Variants in PAQR5 observed in about 807,000 individuals in gnomAD.
PAQR5 encodes progestin and adipoQ receptor family member 5.
PAQR5 carries 20 observed loss-of-function variants against 34.5 expected under a neutral mutation model. The observed-to-expected ratio is 0.58, with a 90% CI of 0.41 to 0.84. PAQR5 has a LOEUF of 0.84. Ranked by LOEUF, PAQR5 falls within the 40% of genes least tolerant of loss-of-function variation. The pLI, the probability that PAQR5 is intolerant of heterozygous loss-of-function variation, is 0.00. For missense variants in PAQR5, 378 were observed against 412.7 expected (o/e 0.92, Z 0.73); for synonymous variants, 131 against 155.6 (o/e 0.84, Z 1.18).
At chr15:69,361,848 G>A (rs1053934583) in intron 3 of PAQR5, among the ~76,000 whole-genome samples, 1 of 152,124 alleles carries the variant, frequency 6.6e-6, no homozygotes, top group African/African-American at 2.4e-5. Flanking sequence ...CTTCATGAAG[G>A]GGGTGATCTG....
intron 3 of PAQR5, among the ~76,000 whole-genome samples, chr15:69,363,632 C>T (rs1389279836): frequency 1.3e-5 from 2 of 150,344 alleles, no homozygotes; most frequent in African/African-American, 2.4e-5. Context: ...CTGCAACCTC[C>T]GCCTCCCAGG....
At chr15:69,315,131 T>C (rs2053917155) in intron 1 of PAQR5, among the ~76,000 whole-genome samples, 1 of 152,182 alleles carries the variant, frequency 6.6e-6, no homozygotes, top group Admixed American at 6.5e-5. Context: ...AAGTCAGATT[T>C]GAACCACGTC....
At chr15:69,336,876 A>G (rs920528579) in intron 1 of PAQR5, among the ~76,000 whole-genome samples, 3 of 152,206 alleles carry the variant, frequency 2.0e-5, no homozygotes, top group African/African-American at 7.2e-5. Context: ...GTTATGTAAA[A>G]TTGTTGTATG....
chr15:69,316,576 GA>G (rs57601715), intron 1 of PAQR5, among the ~76,000 whole-genome samples: 151,194 of 152,338 alleles, frequency 0.99, 75,040 homozygotes, highest in Middle Eastern at 1. Flanking sequence ...GAAGGAAGGA[GA>G]AATACATTTT....
At chr15:69,379,655 G>A in intron 3 of PAQR5, 1 of 934,704 alleles carries the variant, frequency 1.1e-6, no homozygotes, top group Non-Finnish European at 1.3e-6. Flanking sequence ...CCCAAAGGGA[G>A]CCTGGCCCTT....
chr15:69,360,253 C>A, intron 3 of PAQR5, 122 bp downstream of exon 3: 1 of 628,986 alleles, frequency 1.6e-6, no homozygotes, highest in Non-Finnish European at 2.8e-6. Flanking sequence ...TTCAAGGACC[C>A]CTTCCCACAC....
intron 1 of PAQR5, among the ~76,000 whole-genome samples, chr15:69,329,621 A>G (rs957084443): frequency 6.6e-6 from 1 of 151,592 alleles, no homozygotes; most frequent in Non-Finnish European, 1.5e-5. Flanking sequence ...AGTGGCTGGG[A>G]CTACAGGTGT....
At chr15:69,319,372 T>C (rs2054041986) in intron 1 of PAQR5, among the ~76,000 whole-genome samples, 1 of 150,958 alleles carries the variant, frequency 6.6e-6, no homozygotes, top group African/African-American at 2.4e-5. Context: ...GTACTTCTGC[T>C]TGCTTTTGGT....
intron 3 of PAQR5, among the ~76,000 whole-genome samples, chr15:69,377,652 A>G (rs1389856428): frequency 6.6e-6 from 1 of 152,204 alleles, no homozygotes; most frequent in Non-Finnish European, 1.5e-5. Context: ...CCATTCAGCT[A>G]GCCAAGCCCT....
At chr15:69,336,135 T>G (rs934014008) in intron 1 of PAQR5, among the ~76,000 whole-genome samples, 1 of 152,200 alleles carries the variant, frequency 6.6e-6, no homozygotes, top group Non-Finnish European at 1.5e-5. Flanking sequence ...GTAAAGGCTT[T>G]CTTTTTTAAA....
intron 1 of PAQR5, among the ~76,000 whole-genome samples, chr15:69,326,205 T>G (rs568300879): frequency 1.2e-4 from 18 of 152,302 alleles, no homozygotes; most frequent in Admixed American, 1.1e-3. Context: ...TTCTCTGTGA[T>G]CAGACACCTG....
chr15:69,376,930 T>A (rs1165372743), intron 3 of PAQR5, among the ~76,000 whole-genome samples: 1 of 152,178 alleles, frequency 6.6e-6, no homozygotes, highest in African/African-American at 2.4e-5. Flanking sequence ...GGCCTTTTCC[T>A]CTAGCTTCTG....
At chr15:69,328,493 C>G (rs1456567125) in intron 1 of PAQR5, among the ~76,000 whole-genome samples, 1 of 152,180 alleles carries the variant, frequency 6.6e-6, no homozygotes, top group African/African-American at 2.4e-5. Flanking sequence ...CGCTGGAGCC[C>G]GTGTCCCTCC....
rs375082375 is a variant in PAQR5, at chr15:69,324,883, T to C, written c.-276-12458T>C. On this transcript the variant is annotated intron_variant, in intron 1 of 8. Transcript: ENST00000395407. ...ACTCCTATTGACTCTTCAAGACTTA[T>C]CCCAAGTTTCATTTCTTTTTTTTTT... is the stretch of plus-strand genomic sequence containing the variant. Among the ~76,000 whole-genome samples, 682 of 147,032 alleles carry C rather than the reference T, an allele frequency of 4.6e-3. 13 individuals carry two copies. The highest frequency in any genetic ancestry group is 0.016 in the African/African-American group (636 of 40,562).
chr15:69,327,688 T>G (rs1489381900), intron 1 of PAQR5, among the ~76,000 whole-genome samples: 2 of 152,126 alleles, frequency 1.3e-5, no homozygotes, highest in African/African-American at 2.4e-5. Context: ...GGATGAAGAC[T>G]TGGGCACATC....
Position 69,313,453 on chromosome 15 carries a change from T to C in PAQR5, c.-277+14397T>C, listed in dbSNP as rs544570971. 2.4e-4 allele frequency among the ~76,000 whole-genome samples: 37 copies of C among 152,096 alleles called. 1 individual carries two copies. The South Asian group carries it at 6.0e-3, about 25-fold the overall frequency. The stretch of plus-strand genomic sequence containing the variant: ...GAGCTGAAGCTGCAGTGAGCTGTGA[T>C]TGCACCACTGCACTCCAGCCTGGGC... On this transcript the variant is annotated intron_variant, in intron 1 of 8. Coordinates refer to ENST00000395407, the MANE Select transcript of PAQR5 (RefSeq NM_017705.4).
intron 6 of PAQR5, among the ~76,000 whole-genome samples, chr15:69,393,048 G>GA (rs1207414023): frequency 3.3e-5 from 5 of 152,060 alleles, no homozygotes; most frequent in Non-Finnish European, 5.9e-5. Context: ...TCCATGCCCT[G>GA]AGGGGTTTCC....
In PAQR5 at chr15:69,407,544, C is replaced by G. The variant is rs2056762482; in HGVS notation, c.*3722C>G. The G allele has an allele frequency of 6.6e-6, 1 of 152,178 alleles. No homozygotes were observed. The highest frequency in any genetic ancestry group is 2.4e-5 in the African/African-American group (1 of 41,436). The allele number at this position is 152,178 out of a possible 1,614,324, so 9.4% of individuals were successfully genotyped here. A position where few individuals can be genotyped will look rare whatever the true frequency, so the allele number is the denominator to read the frequency against. ...AGTCAACAATCCATTAAGGCAAAGA[C>G]CTGTTTCCAAACTCAGATGTTCTCC... On this transcript the variant is annotated 3_prime_UTR_variant, in exon 9 of 9. Coordinates refer to ENST00000395407, the MANE Select transcript of PAQR5 (RefSeq NM_017705.4).
At chr15:69,334,782 TA>T (rs59177769) in intron 1 of PAQR5, among the ~76,000 whole-genome samples, 102,370 of 152,008 alleles carry the variant, frequency 0.67, 35,929 homozygotes, top group South Asian at 0.83. Flanking sequence ...AAAGGGAATG[TA>T]ATTTTGTCTA....
Sources: gnomAD v4.1 joint callset for allele counts (sites outside exome capture counted in the v4.1 genomes callset) on GRCh38, gnomAD v4.1.1 for gene constraint, MANE v1.5 for transcripts, NCBI Gene and HGNC (gene_info 2026-07-23, HGNC 2026-07-21) for gene names.